Variants in MSI2 observed in about 807,000 individuals in gnomAD.
MSI2 encodes the protein musashi RNA binding protein 2, also known as RNA-binding protein Musashi homolog 2.
A neutral mutation model predicts 45.6 loss-of-function variants in MSI2; 17 were observed. That is an observed-to-expected ratio of 0.37 (90% CI 0.26 to 0.56). The LOEUF is 0.56. Among genes scored for constraint, MSI2 ranks in the 20% least tolerant of loss-of-function variants. The pLI is 0.77. For missense variants in MSI2, 293 were observed against 444.2 expected (o/e 0.66, Z 3.06); for synonymous variants, 156 against 158.2 (o/e 0.99, Z 0.11).
chr17:57,309,147 C>T (rs751858359), intron 5 of MSI2, among the ~76,000 whole-genome samples: 2 of 152,224 alleles, frequency 1.3e-5, no homozygotes, highest in Non-Finnish European at 2.9e-5. Flanking sequence ...TGTTAATACT[C>T]TTTAATAAGT....
intron 6 of MSI2, chr17:57,522,910 T>C (rs1400674286): frequency 6.6e-6 from 1 of 152,206 alleles, no homozygotes; most frequent in East Asian, 1.9e-4. Context: ...TCACCTACTA[T>C]GTATTTGGGG....
chr17:57,542,074 C>T (rs1457267182), intron 7 of MSI2, among the ~76,000 whole-genome samples: 2 of 152,044 alleles, frequency 1.3e-5, no homozygotes. Flanking sequence ...ATCATCTATT[C>T]GGGACCCAGA....
At chr17:57,393,349 T>C (rs1209599751) in intron 5 of MSI2, among the ~76,000 whole-genome samples, 1 of 152,240 alleles carries the variant, frequency 6.6e-6, no homozygotes, top group Non-Finnish European at 1.5e-5. Context: ...GTTCCACACA[T>C]TTCAGATAAG....
chr17:57,297,444 T>C (rs1347456598), intron 5 of MSI2, among the ~76,000 whole-genome samples: 1 of 152,050 alleles, frequency 6.6e-6, no homozygotes, highest in African/African-American at 2.4e-5. Context: ...AAAATACATT[T>C]GATAAAAAAA....
At chr17:57,533,698 A>AATCCTG in intron 7 of MSI2, among the ~76,000 whole-genome samples, 1 of 152,324 alleles carries the variant, frequency 6.6e-6, no homozygotes, top group South Asian at 2.1e-4. Context: ...AGGAGAGGGC[A>AATCCTG]GAGGGAGAAG....
chr17:57,477,354 C>T (rs763731969), intron 6 of MSI2, among the ~76,000 whole-genome samples: 5 of 152,040 alleles, frequency 3.3e-5, no homozygotes, highest in Admixed American at 6.5e-5. Flanking sequence ...CACCAAAAGC[C>T]GACTGCCAAT....
At chr17:57,432,814 C>T (rs1272275998) in intron 6 of MSI2, among the ~76,000 whole-genome samples, 1 of 152,182 alleles carries the variant, frequency 6.6e-6, no homozygotes, top group Non-Finnish European at 1.5e-5. Flanking sequence ...CTAAGCGATT[C>T]CTGTGTTCAC....
chr17:57,320,477 G>A (rs1913244302), intron 5 of MSI2, among the ~76,000 whole-genome samples: 4 of 152,196 alleles, frequency 2.6e-5, no homozygotes, highest in African/African-American at 9.7e-5. Context: ...TGCTGGGGCT[G>A]TTTTGGAGAA....
intron 5 of MSI2, among the ~76,000 whole-genome samples, chr17:57,294,237 G>T (rs1173616380): frequency 6.6e-6 from 1 of 152,162 alleles, no homozygotes; most frequent in Non-Finnish European, 1.5e-5. Context: ...AAGAGATCCG[G>T]TACCTCCTTT....
intron 10 of MSI2, among the ~76,000 whole-genome samples, chr17:57,651,186 A>G (rs1232713614): frequency 2.0e-5 from 3 of 152,108 alleles, no homozygotes; most frequent in Admixed American, 2.0e-4. Flanking sequence ...TTCTGCAGCT[A>G]CAAGAGGTTA....
chr17:57,457,322 G>A (rs1197320277), intron 6 of MSI2, among the ~76,000 whole-genome samples: 3 of 152,116 alleles, frequency 2.0e-5, no homozygotes, highest in African/African-American at 7.2e-5. Context: ...GGCATTGAGA[G>A]GTGTTAGGAG....
At chr17:57,632,968 A>G (rs372581992) in intron 10 of MSI2, 1 of 1,052,168 alleles carries the variant, frequency 9.5e-7, no homozygotes, top group Non-Finnish European at 1.1e-6. Context: ...TTCAAAGAAC[A>G]AATCTGTATG....
At chr17:57,587,468 G>C (rs1378249068) in intron 7 of MSI2, among the ~76,000 whole-genome samples, 2 of 152,176 alleles carry the variant, frequency 1.3e-5, no homozygotes, top group Non-Finnish European at 2.9e-5. Context: ...GTCTTGTGCA[G>C]TTCCATGGAA....
intron 5 of MSI2, among the ~76,000 whole-genome samples, chr17:57,343,158 C>G (rs1938481788): frequency 6.6e-6 from 1 of 152,126 alleles, no homozygotes; most frequent in Non-Finnish European, 1.5e-5. Flanking sequence ...TTCTGCACAG[C>G]CTGTGAGGTA....
At chr17:57,513,738 GCTT>G (rs1485029321) in intron 6 of MSI2, among the ~76,000 whole-genome samples, 7 of 152,312 alleles carry the variant, frequency 4.6e-5, no homozygotes, top group Admixed American at 3.9e-4. Flanking sequence ...AGCTCCTTGT[GCTT>G]CTCCTGTGGT....
At chr17:57,487,395 C>A (rs942338987) in intron 6 of MSI2, among the ~76,000 whole-genome samples, 1 of 152,168 alleles carries the variant, frequency 6.6e-6, no homozygotes, top group Non-Finnish European at 1.5e-5. Flanking sequence ...CTCCAGTTAT[C>A]AGTCTTTCTA....
At chr17:57,428,314 C>T (rs1448956729) in intron 6 of MSI2, among the ~76,000 whole-genome samples, 2 of 152,272 alleles carry the variant, frequency 1.3e-5, no homozygotes, top group Non-Finnish European at 2.9e-5. Flanking sequence ...GCCTCCATCT[C>T]TGGGCTCAAG....
At chr17:57,423,851 CT>C (rs2084441988) in intron 6 of MSI2, among the ~76,000 whole-genome samples, 1 of 152,146 alleles carries the variant, frequency 6.6e-6, no homozygotes, top group African/African-American at 2.4e-5. Flanking sequence ...TGTGGCGCAG[CT>C]TTTTCCAGTT....
chr17:57,333,897 T>A (rs1430960170), intron 5 of MSI2, among the ~76,000 whole-genome samples: 1 of 152,350 alleles, frequency 6.6e-6, no homozygotes, highest in African/African-American at 2.4e-5. Flanking sequence ...CAGTGTGGCA[T>A]GTCTGGCCCA....
Sources: allele counts gnomAD v4.1 joint callset (sites outside exome capture counted in the v4.1 genomes callset), GRCh38; gene constraint gnomAD v4.1.1; transcripts MANE v1.5; gene names NCBI Gene and HGNC (gene_info 2026-07-23, HGNC 2026-07-21).